The following GNRHR variants were observed in gnomAD, a reference collection of about 807,000 sequenced individuals.
GNRHR encodes gonadotropin releasing hormone receptor.
Under a neutral mutation model 28.1 loss-of-function variants are expected in GNRHR, and 14 were observed. That is an observed-to-expected ratio of 0.50 (90% confidence interval 0.33 to 0.78). The LOEUF (loss-of-function observed/expected upper bound fraction) is 0.78, where lower values mean the gene tolerates loss of function less well. Among genes scored for constraint, GNRHR ranks in the 30% least tolerant of loss-of-function variants. The pLI, the probability that GNRHR is intolerant of heterozygous loss-of-function variation, is 0.02. For synonymous variants in GNRHR, 141 were observed against 140.5 expected, an observed-to-expected ratio of 1.00 and a Z score of -0.02; for missense variants, 366 against 382.1, an observed-to-expected ratio of 0.96 and a Z score of 0.35.
chr4:67,744,129 C>T (rs1731712550), intron 2 of GNRHR, among the ~76,000 whole-genome samples: 1 of 152,144 alleles, frequency 6.6e-6, no homozygotes, highest in South Asian at 2.1e-4. Flanking sequence ...TTAACATACA[C>T]ACAAATGTGC....
chr4:67,749,219 T>C (rs1419392816), intron 1 of GNRHR, among the ~76,000 whole-genome samples: 1 of 152,156 alleles, frequency 6.6e-6, no homozygotes, highest in African/African-American at 2.4e-5. Context: ...TCTACACCAG[T>C]AAATTCTCTG....
chr4:67,752,296 C>G (rs529623563), intron 1 of GNRHR, among the ~76,000 whole-genome samples: 65 of 151,862 alleles, frequency 4.3e-4, no homozygotes, highest in Non-Finnish European at 7.9e-4. Context: ...TCTGCAACCT[C>G]TGCCTCCCAG....
chr4:67,743,184 G>A (rs1731692636), intron 2 of GNRHR, among the ~76,000 whole-genome samples: 1 of 152,008 alleles, frequency 6.6e-6, no homozygotes, highest in South Asian at 2.1e-4. Context: ...ACTCCTGACT[G>A]CAGGTGGTCC....
chr4:67,751,097 G>A (rs1731858367), intron 1 of GNRHR, among the ~76,000 whole-genome samples: 1 of 152,086 alleles, frequency 6.6e-6, no homozygotes, highest in Admixed American at 6.6e-5. Flanking sequence ...TGAACTGCAG[G>A]ATATGCTCAG....
rs530493793 is a variant in GNRHR, at chr4:67,752,383, C to T, written c.522+1431G>A. 9.5e-4 allele frequency among the ~76,000 whole-genome samples: 110 copies of T among 115,958 alleles called. No individual in the cohort carries two copies. The Middle Eastern group carries it at 0.021, about 22-fold the overall frequency. The allele number at this position is 115,958 out of a possible 152,430, so 76.1% of individuals were successfully genotyped here. On this transcript the variant is annotated intron_variant, in intron 1 of 2. Transcript: ENST00000226413. ...CGGGTCATCATGACCAGCATTTAAG[C>T]AATTTTTTTTTTAATAATTTGTTGA...
chr4:67,738,112 T>C lies in GNRHR; in HGVS notation c.*2368A>G, dbSNP rs950627754. ...TTACATATTGAACCTTAAGAGAGTT[T>C]GTTGGTTTGAAAACAATAAGCATAT... On this transcript the variant is annotated 3_prime_UTR_variant, in exon 3 of 3. Transcript: ENST00000226413. Among the ~76,000 whole-genome samples, 1 of 151,744 alleles carries C rather than the reference T, an allele frequency of 6.6e-6. No individual in the cohort carries two copies. The highest frequency in any genetic ancestry group is 1.5e-5 in the Non-Finnish European group (1 of 67,774).
At chr4:67,747,973 A>G (rs1370071967) in intron 1 of GNRHR, among the ~76,000 whole-genome samples, 1 of 151,932 alleles carries the variant, frequency 6.6e-6, no homozygotes. Context: ...CTCCAAGGCC[A>G]TGTTCATTTG....
intron 1 of GNRHR, among the ~76,000 whole-genome samples, chr4:67,745,784 C>G (rs1405879926): frequency 6.6e-6 from 1 of 152,062 alleles, no homozygotes; most frequent in Non-Finnish European, 1.5e-5. Context: ...TTATGTAATG[C>G]ATTGAGAACT....
At chr4:67,741,294 A>G (rs1193340150) in intron 2 of GNRHR, among the ~76,000 whole-genome samples, 1 of 152,166 alleles carries the variant, frequency 6.6e-6, no homozygotes, top group African/African-American at 2.4e-5. Context: ...ATGAGAACAT[A>G]TGATGTTTGG....
Position 67,740,552 on chromosome 4 carries a change from A to C in GNRHR, c.915T>G (p.Asn305Lys), listed in dbSNP as rs748879004. Residue 305 changes from asparagine to lysine, a missense_variant, in exon 3 of 3, where the codon AAT becomes AAG. Transcript: ENST00000226413. ...AAAAGGCAAAGAGAAAGAAGAAGTG[A>C]TTTACTGGGTCTGACAACCTGTTTA... is the stretch of plus-strand genomic sequence containing the variant. ...EMLNRLSDPVNHFFFLFAFLN... is the reference protein window; with the variant it reads ...EMLNRLSDPVKHFFFLFAFLN... 1 of 1,607,484 alleles carries C rather than the reference A, an allele frequency of 6.2e-7. No individual in the cohort carries two copies.
rs200026876 is a variant in GNRHR, at chr4:67,744,592, G to C, written c.718C>G (p.Arg240Gly). Residue 240 changes from arginine to glycine, a missense_variant, in exon 2 of 3, where the codon CGG becomes GGG. Arg to Gly is a moderately radical substitution (Grantham distance 125). Coordinates refer to ENST00000226413, the MANE Select transcript of GNRHR (RefSeq NM_000406.3). ...CNAKIIFTLT[R>G]VLHQDPHELQ... ...CCGTGGGGGTCCTGATGAAGGACCC[G>C]TGTCAGGGTGAAGATGATTTTTGCA... is the stretch of plus-strand genomic sequence containing the variant. 1 of 1,606,024 alleles carries C rather than the reference G, an allele frequency of 6.2e-7. No homozygotes were observed. Among genetic ancestry groups the C allele is most frequent in the African/African-American group, 1.3e-5 (1 of 74,768 alleles).
chr4:67,749,003 G>A (rs191954846), intron 1 of GNRHR, among the ~76,000 whole-genome samples: 5 of 152,192 alleles, frequency 3.3e-5, no homozygotes, highest in African/African-American at 9.6e-5. Flanking sequence ...TTCACTGCCT[G>A]TTCTGTGAAC....
Position 67,744,759 on chromosome 4 carries a change from G to T in GNRHR, c.551C>A (p.Ala184Glu). The change falls in exon 2 of 3, where the codon GCA (alanine) becomes GAA (glutamate). Residue 184 changes from alanine (A) to glutamate (E), a missense_variant. Coordinates refer to ENST00000226413, the MANE Select transcript of GNRHR (RefSeq NM_000406.3). ...AACTTTTGTCTGTCCAGAGCTGTCTGCTAGATGAATCATCCTGAAGATGTA... is the reference window on the plus strand; with the variant it reads ...AACTTTTGTCTGTCCAGAGCTGTCTTCTAGATGAATCATCCTGAAGATGTA... ...QLYIFRMIHL[A>E]DSSGQTKVFS... is the part of the protein sequence containing the mutation. 6.3e-7 allele frequency: 1 copy of T among 1,592,496 alleles called. No individual in the cohort carries two copies. The highest frequency in any genetic ancestry group is 1.1e-5 in the South Asian group (1 of 90,668).
At chr4:67,752,809 G>T (rs60444699) in intron 1 of GNRHR, among the ~76,000 whole-genome samples, 3,343 of 36,994 alleles carry the variant, frequency 0.09, 70 homozygotes, top group East Asian at 0.32. Context: ...GTTTTTTTTT[G>T]TTGTTGTTGT....
Position 67,744,544 on chromosome 4 carries a change from A to T in GNRHR, c.742+24T>A, listed in dbSNP as rs766656718. 2.9e-6 allele frequency: 4 copies of T among 1,366,984 alleles called. No individual in the cohort carries two copies. In the African/African-American group the frequency reaches 5.7e-5, roughly 20 times the overall value. 84.7% of individuals were successfully genotyped at this position (1,366,984 alleles called of 1,614,324 possible). A position where few individuals can be genotyped will look rare whatever the true frequency, so the allele number is the denominator to read the frequency against. On this transcript the variant is annotated intron_variant, in intron 2 of 2. Transcript: ENST00000226413. ...GCTATTTAAAAACTGCCCACAAATG[A>T]CACTAACTCTAAGGAATACATACCG... is the stretch of plus-strand genomic sequence containing the variant.
Position 67,739,923 on chromosome 4 carries a change from C to T in GNRHR, c.*557G>A, listed in dbSNP as rs1731625147. 6.5e-6 allele frequency: 1 copy of T among 153,128 alleles called. No individual in the cohort carries two copies. Among genetic ancestry groups the T allele is most frequent in the Non-Finnish European group, 1.5e-5 (1 of 68,750 alleles). 9.5% of individuals were successfully genotyped at this position (153,128 alleles called of 1,614,324 possible). A position where few individuals can be genotyped will look rare whatever the true frequency, so the allele number is the denominator to read the frequency against. On this transcript the variant is annotated 3_prime_UTR_variant, in exon 3 of 3. Coordinates refer to ENST00000226413, the MANE Select transcript of GNRHR (RefSeq NM_000406.3). ...TGGTGGGATTGGTTACTGACTCCTC[C>T]AAATGTCAGAATGCTTTTGAAGCCA...
At chr4:67,746,716 T>A (rs907881765) in intron 1 of GNRHR, among the ~76,000 whole-genome samples, 1 of 151,572 alleles carries the variant, frequency 6.6e-6, no homozygotes, top group African/African-American at 2.4e-5. Context: ...CAAAAAACAC[T>A]ATTAAATATT....
At chr4:67,743,241 C>A (rs749785468) in intron 2 of GNRHR, among the ~76,000 whole-genome samples, 1 of 152,080 alleles carries the variant, frequency 6.6e-6, no homozygotes, top group Non-Finnish European at 1.5e-5. Flanking sequence ...CATGAGCCAC[C>A]GCACCTGGCC....
intron 1 of GNRHR, 116 bp downstream of exon 1, chr4:67,753,698 C>G: frequency 1.1e-6 from 1 of 909,844 alleles, no homozygotes; most frequent in Admixed American, 2.1e-5. Flanking sequence ...TCTCTGACTT[C>G]CAGAACCCAA....
Sources: allele counts gnomAD v4.1 joint callset (sites outside exome capture counted in the v4.1 genomes callset), GRCh38; gene constraint gnomAD v4.1.1; transcripts MANE v1.5; gene names NCBI Gene and HGNC (gene_info 2026-07-23, HGNC 2026-07-21).